The following CCDC178 variants were observed in gnomAD, a reference collection of about 807,000 sequenced individuals.
CCDC178 encodes coiled-coil domain containing 178.
CCDC178 carries 126 observed loss-of-function variants against 117.4 expected under a neutral mutation model. That is an observed-to-expected ratio of 1.07 (90% confidence interval 0.93 to 1.24). The LOEUF (loss-of-function observed/expected upper bound fraction) is 1.24, where lower values mean the gene tolerates loss of function less well. Among genes scored for constraint, CCDC178 ranks in the 50% most tolerant of loss-of-function variants. The probability of loss-of-function intolerance (pLI) is 0.00; values close to 1 mark genes in which losing one functional copy is unlikely to be tolerated. For synonymous variants in CCDC178, 283 were observed against 313.4 expected (o/e 0.90, Z 1.02); for missense variants, 1,030 against 986.9 (o/e 1.04, Z -0.59).
intron 12 of CCDC178, among the ~76,000 whole-genome samples, chr18:33,291,059 T>TA: frequency 1.3e-5 from 2 of 152,242 alleles, no homozygotes; most frequent in Middle Eastern, 6.8e-3. Context: ...AAAACAACCC[T>TA]AAATTTTGAA....
chr18:33,062,879 C>T (rs958364397), intron 21 of CCDC178, among the ~76,000 whole-genome samples: 35 of 139,130 alleles, frequency 2.5e-4, no homozygotes, highest in Admixed American at 2.3e-3. Flanking sequence ...AGTGTCACAA[C>T]GCCAGGACCT....
rs60923129 is a variant in CCDC178 at position 33,187,114 on chromosome 18, A to AGAGAGAGAGAGAGAGAGC, written c.2238+24781_2238+24782insGCTCTCTCTCTCTCTCTC. Among the ~76,000 whole-genome samples, 431 of 150,296 alleles carry AGAGAGAGAGAGAGAGAGC rather than the reference A, an allele frequency of 2.9e-3. 6 individuals are homozygous for AGAGAGAGAGAGAGAGAGC. Among genetic ancestry groups the AGAGAGAGAGAGAGAGAGC allele is most frequent in the African/African-American group, 0.01 (417 of 40,614 alleles). On this transcript the variant is annotated intron_variant, in intron 20 of 22. Transcript: ENST00000383096. ...GAGAGAGAGAGAGAGAGAGAGAGAG[A>AGAGAGAGAGAGAGAGAGC]GACTGAGAGAGAGAACTGCCAAACA...
intron 15 of CCDC178, among the ~76,000 whole-genome samples, chr18:33,231,640 G>A (rs746232101): frequency 2.0e-5 from 3 of 152,172 alleles, no homozygotes; most frequent in African/African-American, 4.8e-5. Flanking sequence ...AGGCAGAGCT[G>A]CAGCAGCAAG....
At chr18:33,321,752 G>A (rs1376585985) in intron 11 of CCDC178, among the ~76,000 whole-genome samples, 2 of 151,192 alleles carry the variant, frequency 1.3e-5, no homozygotes, top group Non-Finnish European at 3.0e-5. Context: ...CAATAAAAAA[G>A]AAAAAAATAC....
At chr18:33,082,782 A>ACAT (rs1435200950) in intron 21 of CCDC178, among the ~76,000 whole-genome samples, 10 of 151,906 alleles carry the variant, frequency 6.6e-5, no homozygotes, top group Non-Finnish European at 1.5e-4. Context: ...TAAAATAATC[A>ACAT]CATCTAAGTT....
intron 3 of CCDC178, among the ~76,000 whole-genome samples, chr18:33,400,255 T>G (rs1287941913): frequency 6.6e-6 from 1 of 152,018 alleles, no homozygotes; most frequent in Non-Finnish European, 1.5e-5. Flanking sequence ...GCCCTAGGAT[T>G]TTTAGAATGG....
At chr18:33,274,050 G>T (rs2059917726) in intron 12 of CCDC178, among the ~76,000 whole-genome samples, 1 of 151,640 alleles carries the variant, frequency 6.6e-6, no homozygotes, top group Non-Finnish European at 1.5e-5. Context: ...AATAAAAAGT[G>T]AAAAAGAACG....
intron 11 of CCDC178, among the ~76,000 whole-genome samples, chr18:33,300,533 A>G (rs1297495480): frequency 6.6e-6 from 1 of 152,216 alleles, no homozygotes; most frequent in Non-Finnish European, 1.5e-5. Flanking sequence ...TGTGACCAAA[A>G]TACTGATAGA....
chr18:33,277,901 C>A (rs149751882), intron 12 of CCDC178, among the ~76,000 whole-genome samples: 269 of 152,192 alleles, frequency 1.8e-3, no homozygotes, highest in African/African-American at 6.3e-3. Context: ...GCCCATGTAA[C>A]CTTGCATATT....
chr18:33,242,369 A>G (rs1464208222), intron 15 of CCDC178, among the ~76,000 whole-genome samples: 2 of 151,932 alleles, frequency 1.3e-5, no homozygotes, highest in Non-Finnish European at 2.9e-5. Context: ...CAAAGACCTC[A>G]AAAGCACAGG....
At chr18:33,227,836 T>G (rs1255903170) in intron 15 of CCDC178, among the ~76,000 whole-genome samples, 1 of 152,084 alleles carries the variant, frequency 6.6e-6, no homozygotes, top group Non-Finnish European at 1.5e-5. Context: ...GCAGTAACTT[T>G]GATATATCAT....
chr18:33,051,833 C>A (rs74566047), intron 21 of CCDC178, among the ~76,000 whole-genome samples: 1 of 152,008 alleles, frequency 6.6e-6, no homozygotes, highest in African/African-American at 2.4e-5. Context: ...TGGTGAGGCA[C>A]GAGCATTTTT....
intron 20 of CCDC178, among the ~76,000 whole-genome samples, chr18:33,199,054 T>C (rs1213539546): frequency 6.6e-6 from 1 of 151,944 alleles, no homozygotes; most frequent in African/African-American, 2.4e-5. Context: ...ATGTGAACTT[T>C]GGAGGTGCCA....
chr18:33,154,361 T>C lies in CCDC178; in HGVS notation c.2238+57535A>G, dbSNP rs142393207. Among the ~76,000 whole-genome samples, 457 of 152,152 alleles carry C rather than the reference T, an allele frequency of 3.0e-3. 4 individuals are homozygous for C. The highest frequency in any genetic ancestry group is 0.011 in the African/African-American group (446 of 41,516). On this transcript the variant is annotated intron_variant, in intron 20 of 22. Transcript: ENST00000383096. ...CAAAAATATCACAAATTGTGACTCA[T>C]AGACAAGATAAAATTTACTCAGTGA...
chr18:33,069,957 A>T (rs1288757863), intron 21 of CCDC178, among the ~76,000 whole-genome samples: 2 of 152,152 alleles, frequency 1.3e-5, no homozygotes, highest in African/African-American at 4.8e-5. Flanking sequence ...GAGAAGTACA[A>T]ATCAAAACTA....
chr18:33,317,231 A>T (rs1053535414), intron 11 of CCDC178, among the ~76,000 whole-genome samples: 2 of 151,708 alleles, frequency 1.3e-5, no homozygotes, highest in African/African-American at 4.8e-5. Flanking sequence ...CTGCAGCTTC[A>T]CTCCTGAAGC....
intron 15 of CCDC178, among the ~76,000 whole-genome samples, chr18:33,229,693 T>G (rs760592228): frequency 6.6e-6 from 1 of 152,194 alleles, no homozygotes; most frequent in Admixed American, 6.5e-5. Flanking sequence ...ATATTTAATG[T>G]AGAGCCTTCT....
chr18:33,038,494 A>G (rs2056486264), intron 21 of CCDC178, among the ~76,000 whole-genome samples: 1 of 152,004 alleles, frequency 6.6e-6, no homozygotes, highest in African/African-American at 2.4e-5. Context: ...ATATTCAGAC[A>G]TGCTTCTGAC....
chr18:33,336,221 C>T (rs2062738309), intron 9 of CCDC178, among the ~76,000 whole-genome samples: 1 of 152,202 alleles, frequency 6.6e-6, no homozygotes, highest in East Asian at 1.9e-4. Flanking sequence ...CACTCTTAGG[C>T]TGAGGATTAG....
Sources: allele counts gnomAD v4.1 joint callset (sites outside exome capture counted in the v4.1 genomes callset), GRCh38; gene constraint gnomAD v4.1.1; transcripts MANE v1.5; gene names NCBI Gene and HGNC (gene_info 2026-07-23, HGNC 2026-07-21).